CFAP43: variants seen among roughly 807,000 people sequenced by gnomAD.
The protein encoded by CFAP43 is cilia and flagella associated protein 43.
CFAP43 carries 155 observed loss-of-function variants against 218.9 expected under a neutral mutation model. The observed-to-expected ratio is 0.71, with a 90% CI of 0.62 to 0.81. The LOEUF (loss-of-function observed/expected upper bound fraction) is 0.81, where lower values mean the gene tolerates loss of function less well. Ranked by LOEUF, CFAP43 falls within the 30% of genes least tolerant of loss-of-function variation. The pLI is 0.00. For missense variants in CFAP43, 1,778 were observed against 1,954.3 expected, an observed-to-expected ratio of 0.91 and a Z score of 1.70; for synonymous variants, 645 against 681.3, an observed-to-expected ratio of 0.95 and a Z score of 0.83.
At chr10:104,202,130 T>C (rs1311671814) in intron 8 of CFAP43, among the ~76,000 whole-genome samples, 2 of 152,248 alleles carry the variant, frequency 1.3e-5, no homozygotes, top group African/African-American at 4.8e-5. Flanking sequence ...CAATAAAATC[T>C]TATTTGAAAA....
At chr10:104,217,549 G>A (rs1297877797) in intron 3 of CFAP43, among the ~76,000 whole-genome samples, 1 of 152,168 alleles carries the variant, frequency 6.6e-6, no homozygotes, top group Non-Finnish European at 1.5e-5. Flanking sequence ...GTCTTTGCTA[G>A]TAGAGCCTCT....
rs1374853943 is a variant in CFAP43 at position 104,232,227 on chromosome 10, C to T, written c.20G>A (p.Arg7His). The change falls in exon 1 of 38, where the codon CGC becomes CAC. Residue 7 changes from arginine (R) to histidine (H), a missense_variant. By Grantham distance (29) the Arg-to-His change is conservative. Transcript: ENST00000357060. MAQGRE[R>H]DEGPHSAGGA... ...GCCGGCGGAGTGGGGGCCTTCGTCG[C>T]GCTCCCGGCCTTGCGCCATGGGCAG... 1.2e-6 allele frequency: 2 copies of T among 1,608,070 alleles called. No individual in the cohort carries two copies. Among genetic ancestry groups the T allele is most frequent in the Middle Eastern group, 1.7e-4 (1 of 5,932 alleles).
At chr10:104,197,001 T>C in intron 9 of CFAP43, 68 bp from the exon 10 acceptor site, 2 of 1,272,734 alleles carry the variant, frequency 1.6e-6, no homozygotes, top group Admixed American at 4.1e-5. Flanking sequence ...ATGTTCTACC[T>C]CCCTTTCCAG....
intron 31 of CFAP43, among the ~76,000 whole-genome samples, chr10:104,144,144 T>C (rs2087838099): frequency 6.6e-6 from 1 of 152,218 alleles, no homozygotes; most frequent in Non-Finnish European, 1.5e-5. Flanking sequence ...GTTGAAACTA[T>C]ATTATCATCC....
chr10:104,185,215 T>C (rs1208139704), intron 15 of CFAP43, 69 bp from the exon 16 acceptor site: 8 of 1,575,054 alleles, frequency 5.1e-6, no homozygotes, highest in African/African-American at 1.4e-5. Context: ...TCTAATGGGG[T>C]TATATGCCCC....
At position 104,172,538 on chromosome 10, in the gene CFAP43, GA is replaced by G. The variant is rs2089454489; in HGVS notation, c.2461-4del. ...TTTTCTTCCATCATATTCAGAATCT[GA>G]ATGTTGAAATAAAAAAGAGTGCTGA... On this transcript the variant is annotated splice_region_variant and splice_polypyrimidine_tract_variant and intron_variant, in intron 19 of 37. Transcript: ENST00000357060. 1.3e-6 allele frequency: 2 copies of G among 1,583,086 alleles called. No individual in the cohort carries two copies. The highest frequency in any genetic ancestry group is 1.7e-6 in the Non-Finnish European group (2 of 1,169,530).
In CFAP43 at chr10:104,232,314, C is replaced by T. The variant is rs2091473669; in HGVS notation, c.-68G>A. The stretch of plus-strand genomic sequence containing the variant: ...ACCCCAGGGCGGGTCGGTTACCTTT[C>T]CGCCGCCGCGGGGCTGCGGGCCGCG... On this transcript the variant is annotated 5_prime_UTR_variant, in exon 1 of 38. Transcript: ENST00000357060. The T allele has an allele frequency of 1.4e-6, 2 of 1,446,296 alleles. No individual in the cohort carries two copies. Among genetic ancestry groups the T allele is most frequent in the Admixed American group, 2.6e-5 (1 of 38,736 alleles). 89.6% of individuals were successfully genotyped at this position (1,446,296 alleles called of 1,614,324 possible).
rs1263636914 is a variant in CFAP43 at position 104,146,185 on chromosome 10, T to C, written c.3855+78A>G. 6 of 1,124,494 alleles carry C rather than the reference T, an allele frequency of 5.3e-6. No individual in the cohort carries two copies. In the East Asian group the frequency reaches 7.2e-5, roughly 14 times the overall value. 69.7% of individuals were successfully genotyped at this position (1,124,494 alleles called of 1,614,324 possible). On this transcript the variant is annotated intron_variant, in intron 30 of 37. Coordinates refer to ENST00000357060, the MANE Select transcript of CFAP43 (RefSeq NM_025145.7). ...AAAAATCTGTGAGAAAATTATATTA[T>C]ATCCCCTTTAACCTTCCTCCAATCC...
intron 5 of CFAP43, among the ~76,000 whole-genome samples, chr10:104,208,562 A>C (rs1005368199): frequency 6.6e-6 from 1 of 152,172 alleles, no homozygotes; most frequent in African/African-American, 2.4e-5. Context: ...ATAGTTTATA[A>C]TTCTGAGATA....
intron 27 of CFAP43, among the ~76,000 whole-genome samples, chr10:104,160,655 G>A (rs1038512936): frequency 6.6e-6 from 1 of 152,130 alleles, no homozygotes; most frequent in Non-Finnish European, 1.5e-5. Context: ...CTGAGATGGA[G>A]AACAAATCAA....
intron 3 of CFAP43, among the ~76,000 whole-genome samples, chr10:104,217,165 C>A (rs1293718388): frequency 6.6e-6 from 1 of 152,148 alleles, no homozygotes; most frequent in East Asian, 1.9e-4. Flanking sequence ...GTAACAGAAC[C>A]CCCTGAATAT....
chr10:104,137,949 T>TA (rs1458973529), intron 34 of CFAP43, among the ~76,000 whole-genome samples: 2 of 152,200 alleles, frequency 1.3e-5, no homozygotes, highest in Admixed American at 1.3e-4. Flanking sequence ...TATACCACAA[T>TA]AAAAATATCT....
At chr10:104,215,453 G>T (rs916634502) in intron 3 of CFAP43, among the ~76,000 whole-genome samples, 1 of 152,060 alleles carries the variant, frequency 6.6e-6, no homozygotes, top group Non-Finnish European at 1.5e-5. Context: ...CACTCTTGCT[G>T]GAATCTCTGG....
In CFAP43 at chr10:104,188,374, GAC is replaced by G; in HGVS notation, c.1581_1582del (p.Leu529PhefsTer40). The G allele has an allele frequency of 1.2e-6, 2 of 1,614,108 alleles. No individual in the cohort carries two copies. ...TTCCACTATGTCTGTTTCTAAAAGA[GAC>G]ACTGTGGATATCTGTAAAATGTCTT... is the stretch of plus-strand genomic sequence containing the variant. On this transcript the variant is annotated frameshift_variant, in exon 13 of 38. Transcript: ENST00000357060. LOFTEE classifies it high-confidence loss of function.
At chr10:104,214,899 A>G (rs1183026451) in intron 3 of CFAP43, among the ~76,000 whole-genome samples, 1 of 152,196 alleles carries the variant, frequency 6.6e-6, no homozygotes, top group East Asian at 1.9e-4. Flanking sequence ...GCACTTTGGG[A>G]GGCCAAAGCG....
In CFAP43 at chr10:104,164,303, G is replaced by T; in HGVS notation, c.3040-3C>A. On this transcript the variant is annotated splice_polypyrimidine_tract_variant and splice_region_variant and intron_variant, in intron 23 of 37. Coordinates refer to ENST00000357060, the MANE Select transcript of CFAP43 (RefSeq NM_025145.7). ...GTTTTTACCTTGTAAATGATATCCTGAAATATTAACATGTTACTGAAAACA... is the reference window on the plus strand; with the variant it reads ...GTTTTTACCTTGTAAATGATATCCTTAAATATTAACATGTTACTGAAAACA... 6.4e-7 allele frequency: 1 copy of T among 1,566,222 alleles called. No homozygotes were observed. Among genetic ancestry groups the T allele is most frequent in the South Asian group, 1.1e-5 (1 of 87,470 alleles).
At chr10:104,132,475 G>T in intron 35 of CFAP43, 1 of 247,660 alleles carries the variant, frequency 4.0e-6, no homozygotes, top group Non-Finnish European at 6.4e-6. Context: ...TTAGTTGGGC[G>T]TGGTGGCACA....
At chr10:104,214,181 C>A in intron 4 of CFAP43, 78 bp downstream of exon 4, 1 of 1,404,190 alleles carries the variant, frequency 7.1e-7, no homozygotes, top group Non-Finnish European at 9.5e-7. Context: ...CCACTTAATT[C>A]ATCAAATTGA....
At chr10:104,173,960 T>A (rs138750682) in intron 19 of CFAP43, among the ~76,000 whole-genome samples, 9 of 152,224 alleles carry the variant, frequency 5.9e-5, no homozygotes, top group African/African-American at 1.9e-4. Context: ...GGGTATAATT[T>A]TACAGTAACT....
Sources: allele counts gnomAD v4.1 joint callset (sites outside exome capture counted in the v4.1 genomes callset), GRCh38; gene constraint gnomAD v4.1.1; transcripts MANE v1.5; gene names NCBI Gene and HGNC (gene_info 2026-07-23, HGNC 2026-07-21).